Variants in ACYP2 observed in about 807,000 individuals in gnomAD.
The protein encoded by ACYP2 is acylphosphatase-2.
Under a neutral mutation model 11.2 loss-of-function variants are expected in ACYP2, and 12 were observed. The ratio of observed to expected loss-of-function variants is 1.08; its 90% CI spans 0.69 to 1.74. ACYP2 has a LOEUF of 1.74. Ranked by LOEUF, ACYP2 falls within the 40% of genes most tolerant of loss-of-function variation. The pLI is 0.00. For missense variants in ACYP2, 134 were observed against 101.9 expected (o/e 1.31, Z -1.35); for synonymous variants, 43 against 32.2 (o/e 1.33, Z -1.13).
intron 4 of ACYP2, among the ~76,000 whole-genome samples, chr2:54,060,374 A>T (rs1191665563): frequency 5.3e-5 from 8 of 151,504 alleles, no homozygotes; most frequent in African/African-American, 1.9e-4. Flanking sequence ...CTATAAACTT[A>T]TTCTTGTTCT....
At chr2:53,986,976 C>T (rs1247674769) in intron 2 of ACYP2, among the ~76,000 whole-genome samples, 1 of 152,120 alleles carries the variant, frequency 6.6e-6, no homozygotes, top group Non-Finnish European at 1.5e-5. Context: ...TTTGTAACAA[C>T]ACAAATGGAC....
intron 6 of ACYP2, among the ~76,000 whole-genome samples, chr2:54,282,488 G>C (rs1216628166): frequency 6.6e-6 from 1 of 152,182 alleles, no homozygotes; most frequent in Non-Finnish European, 1.5e-5. Context: ...CTGGAACAAA[G>C]TTCTGCCTGA....
At chr2:54,153,206 C>T (rs1014806977) in intron 6 of ACYP2, among the ~76,000 whole-genome samples, 1 of 151,856 alleles carries the variant, frequency 6.6e-6, no homozygotes, top group African/African-American at 2.4e-5. Context: ...CCAGTTTTCC[C>T]ATTATTCTTT....
At chr2:54,254,841 C>G (rs540061426) in intron 6 of ACYP2, 10 of 1,414,336 alleles carry the variant, frequency 7.1e-6, no homozygotes, top group Admixed American at 2.1e-5. Context: ...AAAGGGCATA[C>G]CTAATGCTGT....
At chr2:54,289,638 C>A (rs559985491) in intron 6 of ACYP2, among the ~76,000 whole-genome samples, 1 of 151,728 alleles carries the variant, frequency 6.6e-6, no homozygotes, top group African/African-American at 2.4e-5. Flanking sequence ...ACATTTGTGC[C>A]GAAAAATATT....
chr2:54,021,249 G>A (rs1278811738), intron 2 of ACYP2, among the ~76,000 whole-genome samples: 1 of 152,188 alleles, frequency 6.6e-6, no homozygotes, highest in Non-Finnish European at 1.5e-5. Context: ...AGCTGACCAT[G>A]GGTGACTCAG....
At position 53,971,142 on chromosome 2, in the gene ACYP2, C is replaced by G. The variant is rs368018349; in HGVS notation, c.-216C>G. The G allele has an allele frequency of 2.0e-4, 40 of 196,170 alleles. No homozygotes were observed. The East Asian group carries it at 4.1e-3, about 20-fold the overall frequency. 12.2% of individuals were successfully genotyped at this position (196,170 alleles called of 1,614,324 possible). On this transcript the variant is annotated 5_prime_UTR_variant, in exon 1 of 7. Transcript: ENST00000607452. ...GCGGCAGCTGGAGCCCAACGGGCTGCGCCTTCTTCGCCGTGGGCCCGGCTC... is the reference window on the plus strand; with the variant it reads ...GCGGCAGCTGGAGCCCAACGGGCTGGGCCTTCTTCGCCGTGGGCCCGGCTC...
chr2:54,049,811 G>A (rs1258166011), intron 2 of ACYP2, among the ~76,000 whole-genome samples: 1 of 152,128 alleles, frequency 6.6e-6, no homozygotes, highest in African/African-American at 2.4e-5. Context: ...CATCCCTCTT[G>A]TTTTCTGAGC....
intron 4 of ACYP2, among the ~76,000 whole-genome samples, chr2:54,121,618 G>T (rs1398022992): frequency 1.3e-5 from 2 of 152,202 alleles, no homozygotes; most frequent in African/African-American, 4.8e-5. Flanking sequence ...AAATGGAAAA[G>T]CTGTGTTTTA....
chr2:54,032,011 A>T (rs1674612287), intron 2 of ACYP2, among the ~76,000 whole-genome samples: 1 of 152,056 alleles, frequency 6.6e-6, no homozygotes, highest in Non-Finnish European at 1.5e-5. Context: ...AGTTCTTTGT[A>T]GATTCTGGAT....
chr2:54,029,892 G>A (rs969898813), intron 2 of ACYP2: 18 of 256,314 alleles, frequency 7.0e-5, no homozygotes, highest in Admixed American at 6.8e-4. Flanking sequence ...AGCCGGGTCC[G>A]GCTGTGTTTT....
At chr2:54,069,662 A>AAAAAAAC (rs1161290601) in intron 4 of ACYP2, among the ~76,000 whole-genome samples, 5 of 152,050 alleles carry the variant, frequency 3.3e-5, no homozygotes, top group African/African-American at 1.2e-4. Flanking sequence ...ACTCCGTCTC[A>AAAAAAAC]AAAAAACAAA....
intron 6 of ACYP2, among the ~76,000 whole-genome samples, chr2:54,258,315 T>C (rs1687643911): frequency 6.6e-6 from 1 of 152,028 alleles, no homozygotes; most frequent in Non-Finnish European, 1.5e-5. Context: ...TCAAAGAAGT[T>C]GAGGGAGTCA....
chr2:54,263,195 A>G (rs1687855762), intron 6 of ACYP2, among the ~76,000 whole-genome samples: 2 of 152,220 alleles, frequency 1.3e-5, no homozygotes, highest in African/African-American at 4.8e-5. Context: ...GAAGCTTACA[A>G]TCATGGCGGA....
chr2:54,303,096 CTG>C (rs1248653510), intron 6 of ACYP2, among the ~76,000 whole-genome samples: 1 of 152,206 alleles, frequency 6.6e-6, no homozygotes, highest in Non-Finnish European at 1.5e-5. Context: ...TGGCTCACAC[CTG>C]TCATCCAAGC....
At chr2:54,179,924 T>C (rs115507794) in intron 6 of ACYP2, among the ~76,000 whole-genome samples, 1,968 of 152,268 alleles carry the variant, frequency 0.013, 55 homozygotes, top group African/African-American at 0.045. Flanking sequence ...ATCCCACAGA[T>C]TGGGGGCTCA....
intron 6 of ACYP2, among the ~76,000 whole-genome samples, chr2:54,166,231 T>G (rs777843298): frequency 6.6e-6 from 1 of 152,234 alleles, no homozygotes; most frequent in Admixed American, 6.5e-5. Context: ...CATGAGGTGA[T>G]GCATTTGATT....
At chr2:54,242,838 G>A in intron 6 of ACYP2, among the ~76,000 whole-genome samples, 1 of 152,210 alleles carries the variant, frequency 6.6e-6, no homozygotes. Flanking sequence ...CACAGTCTAT[G>A]ATGTTCACAC....
chr2:54,064,073 T>A (rs937823361), intron 4 of ACYP2, among the ~76,000 whole-genome samples: 1 of 152,168 alleles, frequency 6.6e-6, no homozygotes, highest in Non-Finnish European at 1.5e-5. Context: ...AGTCTTGAAC[T>A]TGGGCTCAAG....
Sources: gnomAD v4.1 joint callset for allele counts (sites outside exome capture counted in the v4.1 genomes callset) on GRCh38, gnomAD v4.1.1 for gene constraint, MANE v1.5 for transcripts, NCBI Gene and HGNC (gene_info 2026-07-23, HGNC 2026-07-21) for gene names.